Variants in HELZ observed in about 807,000 individuals in gnomAD.
The protein encoded by HELZ is helicase with zinc finger, also known as ATP-dependent RNA helicase with zinc finger domain.
A neutral mutation model predicts 218.2 loss-of-function variants in HELZ; 23 were observed. The observed-to-expected ratio is 0.11, with a 90% confidence interval of 0.08 to 0.15. HELZ has a LOEUF of 0.15. Among genes scored for constraint, HELZ ranks in the 10% least tolerant of loss-of-function variants. HELZ has a pLI of 1.00. For missense variants in HELZ, 1,813 were observed against 2,353.7 expected, an observed-to-expected ratio of 0.77 and a Z score of 4.75; for synonymous variants, 814 against 829.4, an observed-to-expected ratio of 0.98 and a Z score of 0.32.
intron 21 of HELZ, among the ~76,000 whole-genome samples, chr17:67,145,053 C>A (rs538049125): frequency 1.2e-4 from 19 of 152,192 alleles, no homozygotes; most frequent in Non-Finnish European, 2.4e-4. Flanking sequence ...ATGGGTAAAG[C>A]ATGGAATTCA....
intron 32 of HELZ, among the ~76,000 whole-genome samples, chr17:67,085,834 A>C (rs1014271763): frequency 2.0e-5 from 3 of 152,244 alleles, no homozygotes; most frequent in African/African-American, 7.2e-5. Flanking sequence ...AAGAGAACAG[A>C]GGAAAGATCA....
At chr17:67,087,230 A>G in intron 31 of HELZ, 149 bp from the exon 32 acceptor site, 1 of 731,726 alleles carries the variant, frequency 1.4e-6, no homozygotes, top group Admixed American at 2.8e-5. Context: ...CCCTACTCCC[A>G]CCAAAAAGAA....
intron 28 of HELZ, among the ~76,000 whole-genome samples, chr17:67,111,741 A>C (rs17700212): frequency 0.011 from 1,696 of 152,304 alleles, 12 homozygotes; most frequent in Non-Finnish European, 0.015. Context: ...ATTCTATCTC[A>C]GTTTTCCCAA....
intron 24 of HELZ, among the ~76,000 whole-genome samples, chr17:67,127,841 C>CA (rs5821488): frequency 0.24 from 27,734 of 117,704 alleles, 2,647 homozygotes; most frequent in African/African-American, 0.31. Flanking sequence ...GATCCCCTCT[C>CA]AAAAAAAAAA....
At chr17:67,099,836 A>T (rs1340225372) in intron 31 of HELZ, among the ~76,000 whole-genome samples, 3 of 148,170 alleles carry the variant, frequency 2.0e-5, no homozygotes, top group Non-Finnish European at 4.4e-5. Flanking sequence ...CACTAGTTGA[A>T]ATTCTAAGTC....
intron 9 of HELZ, among the ~76,000 whole-genome samples, chr17:67,193,536 T>C (rs1294533583): frequency 1.3e-5 from 2 of 151,692 alleles, no homozygotes; most frequent in African/African-American, 4.8e-5. Context: ...GCCAACATAG[T>C]GAAACCCTGT....
intron 3 of HELZ, among the ~76,000 whole-genome samples, chr17:67,227,508 A>G (rs906220445): frequency 3.3e-5 from 5 of 152,208 alleles, no homozygotes; most frequent in Non-Finnish European, 7.3e-5. Context: ...TTAAAACTAC[A>G]AAGAAGAAAA....
chr17:67,217,439 G>A (rs1232558613), intron 4 of HELZ, among the ~76,000 whole-genome samples: 3 of 152,114 alleles, frequency 2.0e-5, no homozygotes, highest in Admixed American at 1.3e-4. Flanking sequence ...TAGTCTCCTT[G>A]CATCAACGCT....
At chr17:67,217,906 T>A (rs1351383614) in intron 4 of HELZ, among the ~76,000 whole-genome samples, 1 of 151,696 alleles carries the variant, frequency 6.6e-6, no homozygotes, top group African/African-American at 2.4e-5. Flanking sequence ...GGTGGGGTTT[T>A]TTTTTTGGTT....
intron 31 of HELZ, among the ~76,000 whole-genome samples, chr17:67,089,352 A>G (rs151064678): frequency 0.011 from 1,653 of 152,216 alleles, 19 homozygotes; most frequent in South Asian, 0.018. Context: ...GAAAACTCAG[A>G]AAGAAATGGA....
intron 13 of HELZ, among the ~76,000 whole-genome samples, chr17:67,178,110 T>C (rs1050783073): frequency 2.6e-5 from 4 of 152,186 alleles, no homozygotes; most frequent in African/African-American, 9.6e-5. Flanking sequence ...AGATTATTTT[T>C]CCTAAAATAA....
intron 2 of HELZ, among the ~76,000 whole-genome samples, chr17:67,241,656 A>C (rs1000328835): frequency 6.6e-6 from 1 of 152,220 alleles, no homozygotes; most frequent in African/African-American, 2.4e-5. Context: ...TTTAATATCT[A>C]TGGCATTAGA....
intron 3 of HELZ, among the ~76,000 whole-genome samples, chr17:67,220,856 C>CA (rs1555626567): frequency 1.4e-5 from 2 of 146,244 alleles, no homozygotes; most frequent in Non-Finnish European, 1.5e-5. Context: ...AACTCCCCCC[C>CA]CCCCAAAAAA....
At position 67,070,958 on chromosome 17, in the gene HELZ, A is replaced by T. The variant is rs1039649969; in HGVS notation, c.*7294T>A. The T allele has an allele frequency of 6.6e-6, 1 of 152,206 alleles. No individual in the cohort carries two copies. The highest frequency in any genetic ancestry group is 1.5e-5 in the Non-Finnish European group (1 of 68,024). The allele number at this position is 152,206 out of a possible 1,614,324, so 9.4% of individuals were successfully genotyped here. On this transcript the variant is annotated 3_prime_UTR_variant, in exon 33 of 33. Coordinates refer to ENST00000358691, the MANE Select transcript of HELZ (RefSeq NM_014877.4). ...TCTATGAAGTTAGCTGAACAAGTTT[A>T]GATAAGAACTATATGTATGAAGCAT... is the stretch of plus-strand genomic sequence containing the variant.
chr17:67,087,188 G>T, intron 31 of HELZ, 107 bp from the exon 32 acceptor site: 1 of 1,043,544 alleles, frequency 9.6e-7, no homozygotes, highest in Non-Finnish European at 1.4e-6. Context: ...AAATTGTCAA[G>T]AATATACTGT....
chr17:67,107,343 T>C lies in HELZ; in HGVS notation c.5067A>G (p.Gln1689=). Residue 1689 remains glutamine (Q), a synonymous_variant, in exon 31 of 33, where the codon CAA becomes CAG. Coordinates refer to ENST00000358691, the MANE Select transcript of HELZ (RefSeq NM_014877.4). ...AACCTGGCCCCATTAGGTGATTCTGTTGCAAGTTAGCAAAAGTCCATGCTC... is the reference window on the plus strand; with the variant it reads ...AACCTGGCCCCATTAGGTGATTCTGCTGCAAGTTAGCAAAAGTCCATGCTC... ...PDGAWTFANL[Q]QNHLMGPGFP... The C allele has an allele frequency of 1.9e-6, 3 of 1,614,150 alleles. No individual in the cohort carries two copies. The highest frequency in any genetic ancestry group is 1.1e-5 in the South Asian group (1 of 91,076).
chr17:67,231,014 T>C (rs1193695904), intron 3 of HELZ, among the ~76,000 whole-genome samples: 2 of 152,168 alleles, frequency 1.3e-5, no homozygotes, highest in African/African-American at 4.8e-5. Context: ...TATGTAAGTA[T>C]TGAATATTTT....
At chr17:67,220,309 C>A (rs199894422) in intron 3 of HELZ, among the ~76,000 whole-genome samples, 2 of 152,214 alleles carry the variant, frequency 1.3e-5, no homozygotes, top group East Asian at 3.9e-4. Flanking sequence ...AGGTCTAAGC[C>A]CCTTCAGCTT....
intron 27 of HELZ, among the ~76,000 whole-genome samples, chr17:67,116,273 A>C (rs531566750): frequency 2.0e-5 from 3 of 152,288 alleles, no homozygotes; most frequent in South Asian, 4.1e-4. Flanking sequence ...CGGAAAAATC[A>C]ATTGGACAAA....
Sources: allele counts gnomAD v4.1 joint callset (sites outside exome capture counted in the v4.1 genomes callset), GRCh38; gene constraint gnomAD v4.1.1; transcripts MANE v1.5; gene names NCBI Gene and HGNC (gene_info 2026-07-23, HGNC 2026-07-21).